MAML3: variants seen among roughly 807,000 people sequenced by gnomAD.
MAML3 encodes the protein mastermind-like protein 3.
MAML3 carries 27 observed loss-of-function variants against 101.9 expected under a neutral mutation model. The ratio of observed to expected loss-of-function variants is 0.27; its 90% CI spans 0.20 to 0.37. MAML3 has a LOEUF of 0.37. MAML3 is among the 10% of genes least tolerant of loss of function. The pLI is 1.00. For synonymous variants in MAML3, 501 were observed against 555.9 expected (o/e 0.90, Z 1.39); for missense variants, 1,316 against 1,444.9 (o/e 0.91, Z 1.45).
intron 2 of MAML3, among the ~76,000 whole-genome samples, chr4:139,844,401 G>A (rs543931730): frequency 6.6e-6 from 1 of 152,358 alleles, no homozygotes; most frequent in South Asian, 2.1e-4. Flanking sequence ...AGATGCCACT[G>A]TTTAGATGTT....
chr4:139,976,763 T>C (rs991217591), intron 1 of MAML3, among the ~76,000 whole-genome samples: 9 of 152,226 alleles, frequency 5.9e-5, no homozygotes, highest in Non-Finnish European at 5.9e-5. Context: ...TCTATACTTA[T>C]TTTTCTGCCT....
chr4:140,086,011 A>C (rs1366299967), intron 1 of MAML3, among the ~76,000 whole-genome samples: 2 of 152,158 alleles, frequency 1.3e-5, no homozygotes, highest in East Asian at 1.9e-4. Context: ...GCTCTAACTA[A>C]AACTCATGTA....
At chr4:140,134,310 G>A (rs1292508310) in intron 1 of MAML3, 9 of 456,528 alleles carry the variant, frequency 2.0e-5, no homozygotes, top group African/African-American at 1.6e-4. Flanking sequence ...CACACTCAAG[G>A]AACTTGTACA....
At chr4:139,738,693 T>C (rs1298042586) in intron 2 of MAML3, among the ~76,000 whole-genome samples, 1 of 150,684 alleles carries the variant, frequency 6.6e-6, no homozygotes, top group East Asian at 1.9e-4. Flanking sequence ...TGCAGAAAAG[T>C]ATAGATAGAA....
At chr4:139,742,155 T>C (rs1307233983) in intron 2 of MAML3, among the ~76,000 whole-genome samples, 20 of 150,454 alleles carry the variant, frequency 1.3e-4, no homozygotes, top group South Asian at 6.3e-4. Context: ...TTTTCTTTTT[T>C]TTTTTTTTTT....
intron 2 of MAML3, among the ~76,000 whole-genome samples, chr4:139,844,326 C>T (rs1731407115): frequency 6.6e-6 from 1 of 152,114 alleles, no homozygotes. Context: ...ACTCAGTGTC[C>T]CATATGGTGA....
intron 2 of MAML3, among the ~76,000 whole-genome samples, chr4:139,869,239 G>C (rs1371337035): frequency 2.0e-5 from 3 of 152,192 alleles, no homozygotes; most frequent in Admixed American, 1.3e-4. Context: ...GAAAGGCTGA[G>C]TGCTGGCAGC....
At chr4:139,920,737 A>G (rs1030073584) in intron 1 of MAML3, among the ~76,000 whole-genome samples, 1 of 152,226 alleles carries the variant, frequency 6.6e-6, no homozygotes, top group Non-Finnish European at 1.5e-5. Context: ...TGTAATTTCT[A>G]CAGAGCATGG....
intron 2 of MAML3, among the ~76,000 whole-genome samples, chr4:139,818,127 T>TG (rs1417231649): frequency 1.3e-5 from 2 of 152,330 alleles, no homozygotes; most frequent in Non-Finnish European, 2.9e-5. Flanking sequence ...CAGGTGATGC[T>TG]GATCCTGCTA....
chr4:139,762,694 G>A (rs1450512616), intron 2 of MAML3, among the ~76,000 whole-genome samples: 1 of 152,160 alleles, frequency 6.6e-6, no homozygotes, highest in Non-Finnish European at 1.5e-5. Context: ...AGTGTCACAT[G>A]AGGCTCCATC....
chr4:140,051,557 C>CAAA (rs545993388), intron 1 of MAML3, among the ~76,000 whole-genome samples: 3 of 103,404 alleles, frequency 2.9e-5, no homozygotes, highest in African/African-American at 7.0e-5. Context: ...GACTCAGTCT[C>CAAA]AAAAAAAAAA....
intron 2 of MAML3, among the ~76,000 whole-genome samples, chr4:139,818,132 C>T (rs553749185): frequency 6.6e-6 from 1 of 152,186 alleles, no homozygotes; most frequent in Non-Finnish European, 1.5e-5. Context: ...GATGCTGATC[C>T]TGCTAGTCCT....
chr4:139,993,291 G>A (rs1321587963), intron 1 of MAML3, among the ~76,000 whole-genome samples: 1 of 150,710 alleles, frequency 6.6e-6, no homozygotes, highest in Admixed American at 6.6e-5. Flanking sequence ...GGTGGAGGTT[G>A]CAGTGAGCTG....
chr4:139,935,174 C>T (rs1008485699), intron 1 of MAML3, among the ~76,000 whole-genome samples: 2 of 151,772 alleles, frequency 1.3e-5, no homozygotes, highest in African/African-American at 4.8e-5. Context: ...ATTCAGCCTT[C>T]CAGGCAGATG....
At chr4:139,962,722 A>G (rs1416898874) in intron 1 of MAML3, among the ~76,000 whole-genome samples, 4 of 152,214 alleles carry the variant, frequency 2.6e-5, no homozygotes, top group African/African-American at 9.6e-5. Flanking sequence ...AACCAAGAAA[A>G]AGAGAGGAAG....
intron 2 of MAML3, among the ~76,000 whole-genome samples, chr4:139,825,275 G>T (rs1454044280): frequency 6.6e-6 from 1 of 152,166 alleles, no homozygotes. Flanking sequence ...GGCTGTGATT[G>T]TCTCCTAGTT....
intron 1 of MAML3, among the ~76,000 whole-genome samples, chr4:139,922,992 T>C (rs1302303117): frequency 6.6e-6 from 1 of 152,060 alleles, no homozygotes; most frequent in East Asian, 1.9e-4. Flanking sequence ...CGGGATCCCC[T>C]GCACCCCAGT....
At chr4:139,797,704 T>A (rs955597344) in intron 2 of MAML3, among the ~76,000 whole-genome samples, 8 of 152,076 alleles carry the variant, frequency 5.3e-5, no homozygotes, top group African/African-American at 1.4e-4. Flanking sequence ...TTAAAGATAC[T>A]TCAACAAGAG....
chr4:139,984,457 A>G (rs899840089), intron 1 of MAML3, among the ~76,000 whole-genome samples: 5 of 152,204 alleles, frequency 3.3e-5, no homozygotes, highest in African/African-American at 1.2e-4. Context: ...TTTGTATGAA[A>G]AAGTCAACAT....
Sources: allele counts gnomAD v4.1 joint callset (sites outside exome capture counted in the v4.1 genomes callset), GRCh38; gene constraint gnomAD v4.1.1; transcripts MANE v1.5; gene names NCBI Gene and HGNC (gene_info 2026-07-23, HGNC 2026-07-21).